GPRC6A: variants seen among roughly 807,000 people sequenced by gnomAD.
The protein encoded by GPRC6A is G protein-coupled receptor class C group 6 member A, also known as G protein-coupled receptor family C group 6 member A.
In GPRC6A, 54 loss-of-function variants were observed where a neutral mutation model predicts 47.0. The ratio of observed to expected loss-of-function variants is 1.15; its 90% CI spans 0.92 to 1.44. The LOEUF (loss-of-function observed/expected upper bound fraction) is 1.44. GPRC6A is among the 40% of genes most tolerant of loss of function. The pLI is 0.00. For missense variants in GPRC6A, 1,112 were observed against 1,105.5 expected (o/e 1.01, Z -0.08); for synonymous variants, 347 against 377.1 (o/e 0.92, Z 0.93).
intron 1 of GPRC6A, among the ~76,000 whole-genome samples, chr6:116,810,187 A>G (rs1386182559): frequency 1.3e-5 from 2 of 152,172 alleles, no homozygotes; most frequent in African/African-American, 4.8e-5. Flanking sequence ...TTGTCTGATT[A>G]CAGATTTACT....
At chr6:116,811,811 C>T (rs1773033185) in intron 1 of GPRC6A, among the ~76,000 whole-genome samples, 1 of 151,338 alleles carries the variant, frequency 6.6e-6, no homozygotes, top group Non-Finnish European at 1.5e-5. Flanking sequence ...TTGAAATAAC[C>T]CAGCCATGAA....
chr6:116,818,457 C>A (rs1773318565), intron 1 of GPRC6A, among the ~76,000 whole-genome samples: 2 of 127,280 alleles, frequency 1.6e-5, no homozygotes, highest in South Asian at 5.6e-4. Flanking sequence ...TGGCGTGAAC[C>A]CGGGAGGCGG....
In GPRC6A at chr6:116,800,716, A is replaced by G; in HGVS notation, c.1416T>C (p.Thr472=). The change falls in exon 4 of 6, where the codon ACT becomes ACC. Residue 472 remains threonine, a synonymous_variant. Coordinates refer to ENST00000310357, the MANE Select transcript of GPRC6A (RefSeq NM_148963.4). ...FHFDAHGDLN[T]GYDVVLWKEI... is the part of the protein sequence containing the mutation. ...CCTTCCAGAGCACAACATCATATCCAGTATTTAAATCCCCGTGAGCATCAA... is the reference window on the plus strand; with the variant it reads ...CCTTCCAGAGCACAACATCATATCCGGTATTTAAATCCCCGTGAGCATCAA... 1.2e-6 allele frequency: 2 copies of G among 1,611,176 alleles called. No homozygotes were observed. The highest frequency in any genetic ancestry group is 2.2e-5 in the South Asian group (2 of 91,048).
chr6:116,817,465 T>C (rs9767130), intron 1 of GPRC6A, among the ~76,000 whole-genome samples: 47,594 of 151,518 alleles, frequency 0.31, 8,034 homozygotes, highest in East Asian at 0.53. Flanking sequence ...CTGGAAACTC[T>C]AAAAAGCAGA....
chr6:116,807,134 T>G lies in GPRC6A; in HGVS notation c.571A>C (p.Ser191Arg). 1.2e-6 allele frequency: 2 copies of G among 1,613,720 alleles called. No individual in the cohort carries two copies. The change falls in exon 3 of 6, where the codon AGT becomes CGT. Residue 191 changes from serine to arginine, a missense_variant. Coordinates refer to ENST00000310357, the MANE Select transcript of GPRC6A (RefSeq NM_148963.4). ...RFPSFLRTVP[S>R]DFHQIKAMAH... is the part of the protein sequence containing the mutation. ...ATTGCTTTAATTTGATGGAAGTCACTGGGCACAGTCCGTAAAAATGAAGGA... is the reference window on the plus strand; with the variant it reads ...ATTGCTTTAATTTGATGGAAGTCACGGGGCACAGTCCGTAAAAATGAAGGA...
At chr6:116,814,196 C>T (rs1454499875) in intron 1 of GPRC6A, among the ~76,000 whole-genome samples, 9 of 152,212 alleles carry the variant, frequency 5.9e-5, no homozygotes, top group African/African-American at 1.9e-4. Context: ...GACAGTGTGG[C>T]GATTCCTCAA....
At chr6:116,799,864 G>A (rs1772605537) in intron 4 of GPRC6A, among the ~76,000 whole-genome samples, 1 of 152,152 alleles carries the variant, frequency 6.6e-6, no homozygotes, top group Admixed American at 6.5e-5. Context: ...AGGTGAAGTG[G>A]AGGAGCTGAC....
chr6:116,796,183 C>T (rs1772483266), intron 4 of GPRC6A, among the ~76,000 whole-genome samples: 1 of 151,462 alleles, frequency 6.6e-6, no homozygotes, highest in South Asian at 2.1e-4. Flanking sequence ...TGAAGGGTTC[C>T]ACTAGATAAG....
In GPRC6A at chr6:116,828,943, G is replaced by A. The variant is rs759939366; in HGVS notation, c.71C>T (p.Pro24Leu). Residue 24 changes from proline to leucine, a missense_variant, in exon 1 of 6, where the codon CCT (proline) becomes CTT (leucine). Coordinates refer to ENST00000310357, the MANE Select transcript of GPRC6A (RefSeq NM_148963.4). ...ILATSQPCQT[P>L]DDFVAATSPG... ...AGAAGTGGCAGCCACAAAGTCATCA[G>A]GGGTCTGGCAAGGCTGTGAAGTAGC... 113 of 1,613,280 alleles carry A rather than the reference G, an allele frequency of 7.0e-5. No homozygotes were observed. The highest frequency in any genetic ancestry group is 8.6e-5 in the Non-Finnish European group (101 of 1,179,584).
intron 1 of GPRC6A, among the ~76,000 whole-genome samples, chr6:116,811,993 A>G (rs961695432): frequency 2.6e-5 from 4 of 152,202 alleles, no homozygotes; most frequent in Admixed American, 2.6e-4. Context: ...CACATCCAGC[A>G]AGAGGTTTAG....
chr6:116,828,264 C>T (rs566499113), intron 1 of GPRC6A, among the ~76,000 whole-genome samples: 1 of 152,200 alleles, frequency 6.6e-6, no homozygotes, highest in East Asian at 1.9e-4. Context: ...AAATGTCTTT[C>T]TCATAGGTAA....
Position 116,806,587 on chromosome 6 carries a change from C to T in GPRC6A, c.1118G>A (p.Ser373Asn). The part of the protein sequence containing the change: ...ACAYVKDTDL[S>N]QCIFNHSQRT... ...TTGAGAATGATTGAATATGCATTGA[C>T]TCAAATCAGTGTCCTTGACATATGC... The change falls in exon 3 of 6, where the codon AGT (serine) becomes AAT (asparagine). Residue 373 changes from serine to asparagine, a missense_variant. By Grantham distance (46) the Ser-to-Asn change is conservative. Transcript: ENST00000310357. The T allele has an allele frequency of 3.1e-6, 5 of 1,613,542 alleles. No homozygotes were observed. Among genetic ancestry groups the T allele is most frequent in the Non-Finnish European group, 3.4e-6 (4 of 1,179,732 alleles).
chr6:116,803,754 G>A (rs1772751390), intron 3 of GPRC6A, among the ~76,000 whole-genome samples: 1 of 152,008 alleles, frequency 6.6e-6, no homozygotes, highest in Admixed American at 6.6e-5. Flanking sequence ...GAATATTTCT[G>A]TTCTGGCTAA....
intron 1 of GPRC6A, among the ~76,000 whole-genome samples, chr6:116,820,422 C>A (rs1349493567): frequency 6.6e-6 from 1 of 151,972 alleles, no homozygotes; most frequent in East Asian, 1.9e-4. Context: ...GAATTTTAGA[C>A]CAATATCCTT....
At chr6:116,824,424 A>T (rs776370405) in intron 1 of GPRC6A, among the ~76,000 whole-genome samples, 1 of 152,036 alleles carries the variant, frequency 6.6e-6, no homozygotes, top group Non-Finnish European at 1.5e-5. Context: ...TACAACTGAT[A>T]CCACAGAAAT....
chr6:116,795,468 C>A (rs191025469), intron 5 of GPRC6A, among the ~76,000 whole-genome samples: 148 of 152,150 alleles, frequency 9.7e-4, no homozygotes, highest in African/African-American at 3.4e-3. Flanking sequence ...ATGAGCGAAG[C>A]GATAACATTT....
chr6:116,820,280 A>ACTGCT (rs1773415571), intron 1 of GPRC6A, among the ~76,000 whole-genome samples: 1 of 152,216 alleles, frequency 6.6e-6, no homozygotes, highest in Non-Finnish European at 1.5e-5. Flanking sequence ...AGCAGAGGTA[A>ACTGCT]AAGGAGGAAC....
At chr6:116,795,883 A>AG in intron 4 of GPRC6A, 48 bp from the exon 5 acceptor site, 1 of 1,313,434 alleles carries the variant, frequency 7.6e-7, no homozygotes. Context: ...TGTAAAAAAA[A>AG]TTATCCTAAT....
chr6:116,807,213 A>T lies in GPRC6A; in HGVS notation c.499-7T>A. The T allele has an allele frequency of 6.4e-7, 1 of 1,555,254 alleles. No individual in the cohort carries two copies. ...CAGTTGATTCATAACCCACCTGGAA[A>T]TAGACAGAATATTTTAGTTATGGTG... On this transcript the variant is annotated splice_polypyrimidine_tract_variant and splice_region_variant and intron_variant, in intron 2 of 5. Coordinates refer to ENST00000310357, the MANE Select transcript of GPRC6A (RefSeq NM_148963.4).
Sources: gnomAD v4.1 joint callset for allele counts (sites outside exome capture counted in the v4.1 genomes callset) on GRCh38, gnomAD v4.1.1 for gene constraint, MANE v1.5 for transcripts, NCBI Gene and HGNC (gene_info 2026-07-23, HGNC 2026-07-21) for gene names.